The following GPHN variants were observed in gnomAD, a reference collection of about 807,000 sequenced individuals.
The protein encoded by GPHN is gephyrin.
Under a neutral mutation model 95.5 loss-of-function variants are expected in GPHN, and 17 were observed. The ratio of observed to expected loss-of-function variants is 0.18; its 90% CI spans 0.12 to 0.27. The LOEUF (loss-of-function observed/expected upper bound fraction) is 0.27. Ranked by LOEUF, GPHN falls within the 10% of genes least tolerant of loss-of-function variation. The pLI, the probability that GPHN is intolerant of heterozygous loss-of-function variation, is 1.00. For missense variants in GPHN, 660 were observed against 978.1 expected, an observed-to-expected ratio of 0.67 and a Z score of 4.34; for synonymous variants, 320 against 322.5, an observed-to-expected ratio of 0.99 and a Z score of 0.08.
At chr14:66,935,056 A>C (rs1206727385) in intron 8 of GPHN, among the ~76,000 whole-genome samples, 1 of 152,198 alleles carries the variant, frequency 6.6e-6, no homozygotes, top group African/African-American at 2.4e-5. Flanking sequence ...GGATGAAAAT[A>C]AATCCTGCTC....
chr14:66,853,752 A>C (rs1185429211), intron 4 of GPHN, among the ~76,000 whole-genome samples: 2 of 152,166 alleles, frequency 1.3e-5, no homozygotes, highest in Non-Finnish European at 2.9e-5. Flanking sequence ...ATAATGGCAA[A>C]AATTTAAAGA....
At chr14:66,825,187 A>G (rs933130239) in intron 4 of GPHN, among the ~76,000 whole-genome samples, 1 of 151,702 alleles carries the variant, frequency 6.6e-6, no homozygotes, top group Admixed American at 6.6e-5. Flanking sequence ...ATGGGGGGGG[A>G]TGTATTTTTT....
chr14:67,553,631 G>A, the GPHN span, among the ~76,000 whole-genome samples: 1 of 152,144 alleles, frequency 6.6e-6, no homozygotes, highest in Middle Eastern at 3.2e-3. Context: ...CCAACACTGG[G>A]GGCCACCACT....
intron 2 of GPHN, among the ~76,000 whole-genome samples, chr14:66,701,306 T>C (rs1418240402): frequency 6.6e-6 from 1 of 152,240 alleles, no homozygotes; most frequent in African/African-American, 2.4e-5. Context: ...CAGACATCAC[T>C]TTTTAATAGC....
chr14:66,634,728 A>G (rs867022220), intron 1 of GPHN, among the ~76,000 whole-genome samples: 1 of 152,196 alleles, frequency 6.6e-6, no homozygotes, highest in African/African-American at 2.4e-5. Flanking sequence ...GGTGAGGCGC[A>G]CAGGAACCAG....
the GPHN span, among the ~76,000 whole-genome samples, chr14:67,510,815 G>C: frequency 6.6e-6 from 1 of 152,132 alleles, no homozygotes; most frequent in Non-Finnish European, 1.5e-5. Flanking sequence ...TTGTCAGTGG[G>C]CTAAAAACAA....
chr14:67,075,465 G>A (rs190230753), intron 11 of GPHN, among the ~76,000 whole-genome samples: 2 of 152,270 alleles, frequency 1.3e-5, no homozygotes, highest in African/African-American at 4.8e-5. Flanking sequence ...AGATCAAGGA[G>A]TAATTTCAAT....
chr14:67,029,319 C>T (rs1186092891), intron 10 of GPHN, among the ~76,000 whole-genome samples: 2 of 151,006 alleles, frequency 1.3e-5, no homozygotes, highest in Non-Finnish European at 2.9e-5. Context: ...ACTGGTGGTA[C>T]TTCTGGTATT....
the GPHN span, chr14:67,204,950 C>G: frequency 6.2e-7 from 1 of 1,608,124 alleles, no homozygotes. Context: ...CCAGAGGTCC[C>G]GGATGTAAGA....
At chr14:66,868,462 C>T (rs546654843) in intron 4 of GPHN, among the ~76,000 whole-genome samples, 7 of 152,080 alleles carry the variant, frequency 4.6e-5, no homozygotes, top group Middle Eastern at 3.4e-3. Flanking sequence ...GGCACGATTT[C>T]GGCTCACTGC....
the GPHN span, among the ~76,000 whole-genome samples, chr14:67,418,559 C>T: frequency 2.0e-5 from 3 of 152,180 alleles, no homozygotes; most frequent in Admixed American, 1.3e-4. Context: ...CCACAAGCCC[C>T]GCGCGGCCCA....
chr14:67,145,447 G>A (rs2080845428), intron 18 of GPHN, among the ~76,000 whole-genome samples: 1 of 152,042 alleles, frequency 6.6e-6, no homozygotes, highest in Non-Finnish European at 1.5e-5. Context: ...AAGCATATTG[G>A]TTTTATTTTT....
chr14:66,691,518 A>G (rs1435737107), intron 2 of GPHN, among the ~76,000 whole-genome samples: 2 of 152,156 alleles, frequency 1.3e-5, no homozygotes, highest in Non-Finnish European at 2.9e-5. Context: ...AAAATTTTTA[A>G]TGAATATTTT....
At chr14:67,030,887 CAG>C (rs2074161197) in intron 10 of GPHN, among the ~76,000 whole-genome samples, 1 of 152,040 alleles carries the variant, frequency 6.6e-6, no homozygotes, top group South Asian at 2.1e-4. Flanking sequence ...CTTAAGCAGA[CAG>C]AGCAAGCAAA....
chr14:67,283,935 G>A, the GPHN span, among the ~76,000 whole-genome samples: 1 of 152,170 alleles, frequency 6.6e-6, no homozygotes, highest in Non-Finnish European at 1.5e-5. Flanking sequence ...AATGTATGCG[G>A]TAGCTGCATA....
At chr14:66,995,457 G>C (rs2071718757) in intron 9 of GPHN, among the ~76,000 whole-genome samples, 1 of 152,158 alleles carries the variant, frequency 6.6e-6, no homozygotes. Context: ...AAGTGGCAAT[G>C]ATACTTTTTC....
chr14:66,605,564 C>G, intron 1 of GPHN, among the ~76,000 whole-genome samples: 1 of 137,936 alleles, frequency 7.2e-6, no homozygotes, highest in East Asian at 2.2e-4. Context: ...GAGTCTCACT[C>G]TGTCGCCCAG....
intron 5 of GPHN, among the ~76,000 whole-genome samples, chr14:66,888,830 T>C (rs1409810213): frequency 6.6e-6 from 1 of 152,114 alleles, no homozygotes; most frequent in Non-Finnish European, 1.5e-5. Context: ...ATATGCTGTC[T>C]ACATGAGACT....
the GPHN span, among the ~76,000 whole-genome samples, chr14:67,530,991 C>A: frequency 6.6e-6 from 1 of 152,224 alleles, no homozygotes; most frequent in African/African-American, 2.4e-5. Context: ...GTCCCCATCC[C>A]GGCCTCATCT....
Sources: gnomAD v4.1 joint callset for allele counts (sites outside exome capture counted in the v4.1 genomes callset) on GRCh38, gnomAD v4.1.1 for gene constraint, MANE v1.5 for transcripts, NCBI Gene and HGNC (gene_info 2026-07-23, HGNC 2026-07-21) for gene names.